Variants in PRKCB observed in about 807,000 individuals in gnomAD.
The protein encoded by PRKCB is protein kinase C beta type.
A neutral mutation model predicts 81.5 loss-of-function variants in PRKCB; 13 were observed. That is an observed-to-expected ratio of 0.16 (90% CI 0.10 to 0.25). PRKCB has a LOEUF of 0.25. Ranked by LOEUF, PRKCB falls within the 10% of genes least tolerant of loss-of-function variation. The pLI, the probability that PRKCB is intolerant of heterozygous loss-of-function variation, is 1.00. For synonymous variants in PRKCB, 335 were observed against 321.4 expected (o/e 1.04, Z -0.45); for missense variants, 509 against 875.7 (o/e 0.58, Z 5.29).
chr16:24,180,022 G>T (rs915817104), intron 12 of PRKCB, among the ~76,000 whole-genome samples: 2 of 151,838 alleles, frequency 1.3e-5, no homozygotes, highest in Non-Finnish European at 2.9e-5. Context: ...TCGGCTCACT[G>T]CAACCTCTGC....
chr16:23,884,245 G>A (rs1404162904), intron 2 of PRKCB, among the ~76,000 whole-genome samples: 4 of 152,142 alleles, frequency 2.6e-5, no homozygotes, highest in Non-Finnish European at 5.9e-5. Flanking sequence ...CCCGTGTTGT[G>A]CTCAAAGCAC....
chr16:23,915,689 CAAAA>C (rs71154259), intron 2 of PRKCB, among the ~76,000 whole-genome samples: 1 of 54,548 alleles, frequency 1.8e-5, no homozygotes, highest in South Asian at 1.3e-3. Context: ...GACTCTCTAT[CAAAA>C]AAAAAAAAAA....
At chr16:24,195,969 C>T (rs543928911) in intron 16 of PRKCB, among the ~76,000 whole-genome samples, 1 of 152,296 alleles carries the variant, frequency 6.6e-6, no homozygotes, top group Non-Finnish European at 1.5e-5. Flanking sequence ...TATGCTCTCA[C>T]CAGCCCCCTG....
At chr16:24,031,937 TTTGTCCTTCA>T in intron 3 of PRKCB, 189 bp from the exon 4 acceptor site, 1 of 491,458 alleles carries the variant, frequency 2.0e-6, no homozygotes, top group Non-Finnish European at 3.6e-6. Context: ...ATCATCTGTC[TTTGTCCTTCA>T]TTCCTTCCAC....
chr16:24,137,845 G>A (rs1966870230), intron 9 of PRKCB, among the ~76,000 whole-genome samples: 1 of 152,164 alleles, frequency 6.6e-6, no homozygotes, highest in African/African-American at 2.4e-5. Flanking sequence ...TACAAATGTG[G>A]ATGGTACCTA....
chr16:24,079,632 C>T (rs1204149782), intron 5 of PRKCB, among the ~76,000 whole-genome samples: 1 of 152,104 alleles, frequency 6.6e-6, no homozygotes, highest in Non-Finnish European at 1.5e-5. Context: ...AATCAGATGC[C>T]AGAATCTTTG....
chr16:24,070,358 A>C (rs527319887), intron 5 of PRKCB, among the ~76,000 whole-genome samples: 1 of 152,110 alleles, frequency 6.6e-6, no homozygotes, highest in Admixed American at 6.5e-5. Flanking sequence ...CATCTTGGCC[A>C]GGCTGGTCTC....
intron 10 of PRKCB, among the ~76,000 whole-genome samples, chr16:24,162,472 A>G (rs933141689): frequency 1.5e-5 from 2 of 130,112 alleles, no homozygotes; most frequent in Non-Finnish European, 3.2e-5. Context: ...TTTTTGAGAC[A>G]GGATCTCCCT....
At chr16:24,078,257 G>T (rs1009904674) in intron 5 of PRKCB, among the ~76,000 whole-genome samples, 2 of 152,218 alleles carry the variant, frequency 1.3e-5, no homozygotes, top group Non-Finnish European at 2.9e-5. Flanking sequence ...GGGCTGTTGA[G>T]CACCTCCTGC....
intron 5 of PRKCB, among the ~76,000 whole-genome samples, chr16:24,066,636 T>C (rs551237781): frequency 1.3e-5 from 2 of 152,276 alleles, no homozygotes; most frequent in East Asian, 1.9e-4. Flanking sequence ...CTTTTTTTTT[T>C]CACGATATTC....
At chr16:24,181,138 T>C (rs1461787773) in intron 13 of PRKCB, among the ~76,000 whole-genome samples, 3 of 152,084 alleles carry the variant, frequency 2.0e-5, no homozygotes, top group African/African-American at 7.2e-5. Flanking sequence ...TACATCAAGG[T>C]TTGGGAGAAA....
chr16:24,029,862 C>A (rs1304589779), intron 3 of PRKCB, among the ~76,000 whole-genome samples: 8 of 152,266 alleles, frequency 5.3e-5, no homozygotes, highest in African/African-American at 1.9e-4. Flanking sequence ...TGGATTGGAA[C>A]CTAAGGCCCA....
chr16:24,098,205 TG>T (rs1284810933), intron 7 of PRKCB: 2 of 152,228 alleles, frequency 1.3e-5, no homozygotes, highest in Non-Finnish European at 2.9e-5. Context: ...AATTCACAAA[TG>T]GTTAAAAACA....
intron 2 of PRKCB, among the ~76,000 whole-genome samples, chr16:23,982,076 T>C (rs1395853107): frequency 4.3e-5 from 4 of 93,714 alleles, no homozygotes; most frequent in African/African-American, 4.6e-5. Flanking sequence ...CTCTTTCCCT[T>C]CCCTTTCCCT....
rs1555491035 is a variant in PRKCB at position 24,021,012 on chromosome 16, C to CTTTCTT, written c.289-11122_289-11117dup. Among the ~76,000 whole-genome samples the CTTTCTT allele has an allele frequency of 4.2e-5, 6 of 141,644 alleles. 1 individual carries two copies. The highest frequency in any genetic ancestry group is 4.6e-4 in the South Asian group (2 of 4,308). The allele number at this position is 141,644 out of a possible 152,430, so 92.9% of individuals were successfully genotyped here. A position where few individuals can be genotyped will look rare whatever the true frequency, so the allele number is the denominator to read the frequency against. On this transcript the variant is annotated intron_variant, in intron 3 of 16. Transcript: ENST00000643927. ...TCTTTCTTTCTTTCTTTCTTTCTTT[C>CTTTCTT]TTTCTTTCTTTCTTTCTTTCTTTCT...
At chr16:24,099,993 G>A (rs942337314) in intron 7 of PRKCB, 1 of 149,096 alleles carries the variant, frequency 6.7e-6, no homozygotes, top group Non-Finnish European at 1.5e-5. Flanking sequence ...AAAAAAAAGA[G>A]TGTTTAAGTT....
chr16:24,109,530 C>T (rs1031940650), intron 7 of PRKCB, among the ~76,000 whole-genome samples: 6 of 121,452 alleles, frequency 4.9e-5, no homozygotes, highest in South Asian at 5.1e-4. Context: ...AGAGACGCTC[C>T]TCACTTCCTA....
chr16:24,211,010 A>G (rs1050366414), intron 16 of PRKCB, among the ~76,000 whole-genome samples: 27 of 152,114 alleles, frequency 1.8e-4, no homozygotes, highest in Admixed American at 4.6e-4. Context: ...GAATAAACAA[A>G]TGAATGAATC....
chr16:24,013,077 G>T lies in PRKCB; in HGVS notation c.289-19059G>T, dbSNP rs149417695. Among the ~76,000 whole-genome samples, 53 of 152,236 alleles carry T rather than the reference G, an allele frequency of 3.5e-4. 1 individual carries two copies. The East Asian group carries it at 9.5e-3, about 27-fold the overall frequency. ...TTCAGAACCTCTCAGTTGCATGCAG[G>T]GTTAAGGGCCCTGGTCAACTCACGC... is the stretch of plus-strand genomic sequence containing the variant. On this transcript the variant is annotated intron_variant, in intron 3 of 16. Transcript: ENST00000643927.
Sources: gnomAD v4.1 joint callset for allele counts (sites outside exome capture counted in the v4.1 genomes callset) on GRCh38, gnomAD v4.1.1 for gene constraint, MANE v1.5 for transcripts, NCBI Gene and HGNC (gene_info 2026-07-23, HGNC 2026-07-21) for gene names.